The following CNTNAP2 variants were observed in gnomAD, a reference collection of about 807,000 sequenced individuals.
The protein encoded by CNTNAP2 is contactin associated protein 2.
A neutral mutation model predicts 155.2 loss-of-function variants in CNTNAP2; 98 were observed. The observed-to-expected ratio is 0.63, with a 90% CI of 0.54 to 0.75. CNTNAP2 has a LOEUF of 0.75. Among genes scored for constraint, CNTNAP2 ranks in the 30% least tolerant of loss-of-function variants. The pLI, the probability that CNTNAP2 is intolerant of heterozygous loss-of-function variation, is 0.00. For missense variants in CNTNAP2, 1,727 were observed against 1,688.1 expected, an observed-to-expected ratio of 1.02 and a Z score of -0.40; for synonymous variants, 651 against 631.2, an observed-to-expected ratio of 1.03 and a Z score of -0.47.
intron 12 of CNTNAP2, among the ~76,000 whole-genome samples, chr7:147,582,107 G>A (rs1477534455): frequency 6.6e-6 from 1 of 152,102 alleles, no homozygotes; most frequent in East Asian, 1.9e-4. Flanking sequence ...TTTCAAACAA[G>A]TGAATGTCTG....
intron 22 of CNTNAP2, among the ~76,000 whole-genome samples, chr7:148,395,286 T>C (rs1488956166): frequency 6.6e-6 from 1 of 152,064 alleles, no homozygotes; most frequent in African/African-American, 2.4e-5. Flanking sequence ...TGGCTCTCTC[T>C]CTTATTTTCC....
intron 1 of CNTNAP2, among the ~76,000 whole-genome samples, chr7:146,172,444 C>T (rs1357218403): frequency 1.3e-5 from 2 of 152,044 alleles, no homozygotes; most frequent in East Asian, 3.9e-4. Context: ...CACTGCGCAG[C>T]CACCTTAGTG....
chr7:146,638,885 G>A (rs1252217776), intron 1 of CNTNAP2, among the ~76,000 whole-genome samples: 2 of 152,096 alleles, frequency 1.3e-5, no homozygotes, highest in Non-Finnish European at 2.9e-5. Context: ...CTAGATGGCG[G>A]ATCCTACTAT....
intron 13 of CNTNAP2, among the ~76,000 whole-genome samples, chr7:147,872,590 T>C (rs1799346031): frequency 6.6e-6 from 1 of 152,192 alleles, no homozygotes; most frequent in Non-Finnish European, 1.5e-5. Context: ...GTTTTGGCCG[T>C]AACTTTCTAG....
At chr7:147,598,044 A>G (rs1175623553) in intron 12 of CNTNAP2, among the ~76,000 whole-genome samples, 1 of 152,184 alleles carries the variant, frequency 6.6e-6, no homozygotes, top group Admixed American at 6.5e-5. Flanking sequence ...AAGATCATTA[A>G]TGGTTTCAGC....
rs1803202879 is a variant in CNTNAP2 at position 148,063,703 on chromosome 7, T to C, written c.2384-54415T>C. 2.0e-5 allele frequency among the ~76,000 whole-genome samples: 3 copies of C among 152,006 alleles called. No individual in the cohort carries two copies. The South Asian group carries it at 6.2e-4, about 31-fold the overall frequency. ...TTGTCTGTTTACTCTGCTGATTACTTCTTTTGAGGTACAGAAGCTTTTTAG... is the reference window on the plus strand; with the variant it reads ...TTGTCTGTTTACTCTGCTGATTACTCCTTTTGAGGTACAGAAGCTTTTTAG... On this transcript the variant is annotated intron_variant, in intron 15 of 23. Transcript: ENST00000361727.
chr7:146,677,167 T>C (rs1474421484), intron 1 of CNTNAP2, among the ~76,000 whole-genome samples: 1 of 152,160 alleles, frequency 6.6e-6, no homozygotes, highest in African/African-American at 2.4e-5. Flanking sequence ...GGGACTTCCA[T>C]GTTATACGTG....
chr7:146,230,737 C>T lies in CNTNAP2; in HGVS notation c.97+113764C>T, dbSNP rs375608527. On this transcript the variant is annotated intron_variant, in intron 1 of 23. Transcript: ENST00000361727. ...ATTAATTAAAAGTTAATCTATTGGCCGGGCACGGTGGCTCATGCCTGTAAT... is the reference window on the plus strand; with the variant it reads ...ATTAATTAAAAGTTAATCTATTGGCTGGGCACGGTGGCTCATGCCTGTAAT... 2.0e-3 allele frequency among the ~76,000 whole-genome samples: 310 copies of T among 152,194 alleles called. 1 individual carries two copies. Among genetic ancestry groups the T allele is most frequent in the Middle Eastern group, 0.01 (3 of 294 alleles).
chr7:146,547,064 G>A (rs538427457), intron 1 of CNTNAP2, among the ~76,000 whole-genome samples: 2 of 151,922 alleles, frequency 1.3e-5, no homozygotes, highest in Non-Finnish European at 2.9e-5. Context: ...TTCAGCCACG[G>A]TGTAAGTTCG....
intron 1 of CNTNAP2, among the ~76,000 whole-genome samples, chr7:146,682,316 C>A (rs1470126868): frequency 6.6e-6 from 1 of 152,064 alleles, no homozygotes; most frequent in Non-Finnish European, 1.5e-5. Context: ...AGTGTGAGAA[C>A]ATAACGTTCA....
intron 4 of CNTNAP2, among the ~76,000 whole-genome samples, chr7:147,050,591 A>T (rs952107002): frequency 6.6e-6 from 1 of 152,206 alleles, no homozygotes; most frequent in Non-Finnish European, 1.5e-5. Context: ...GGTCATTTTC[A>T]TGCTGTGTTG....
intron 1 of CNTNAP2, among the ~76,000 whole-genome samples, chr7:146,508,449 C>A (rs980378352): frequency 6.6e-6 from 1 of 152,230 alleles, no homozygotes; most frequent in Admixed American, 6.5e-5. Context: ...AGGCTTCACT[C>A]CCACTGACTG....
intron 1 of CNTNAP2, among the ~76,000 whole-genome samples, chr7:146,772,715 G>C (rs1022338644): frequency 1.3e-5 from 2 of 151,936 alleles, no homozygotes; most frequent in African/African-American, 2.4e-5. Context: ...ATGGTGGCTA[G>C]ACAGGAATAG....
At position 147,729,935 on chromosome 7, in the gene CNTNAP2, T is replaced by C. The variant is rs114567161; in HGVS notation, c.2098+90629T>C. Among the ~76,000 whole-genome samples the C allele has an allele frequency of 7.3e-3, 1,106 of 152,198 alleles. 21 individuals are homozygous for C. The highest frequency in any genetic ancestry group is 0.026 in the African/African-American group (1,066 of 41,544). ...ATGGAATTCCTCTTTCAATTTTATT[T>C]TGAAGGATCTCCACTGGATTTAAGT... is the stretch of plus-strand genomic sequence containing the variant. On this transcript the variant is annotated intron_variant, in intron 13 of 23. Coordinates refer to ENST00000361727, the MANE Select transcript of CNTNAP2 (RefSeq NM_014141.6).
intron 10 of CNTNAP2, among the ~76,000 whole-genome samples, chr7:147,456,895 G>A (rs184196341): frequency 2.0e-4 from 30 of 152,244 alleles, no homozygotes; most frequent in African/African-American, 6.0e-4. Context: ...TAACCAGGAG[G>A]TCTGTATAAT....
rs934779727 is a variant in CNTNAP2 at position 148,263,963 on chromosome 7, C to A, written c.3382-3070C>A. On this transcript the variant is annotated intron_variant, in intron 20 of 23. Coordinates refer to ENST00000361727, the MANE Select transcript of CNTNAP2 (RefSeq NM_014141.6). ...AAACAATTCAGGAAAAGGAAGGTACCTCCACTGTGTGGGTCATGCCAAACC... is the reference window on the plus strand; with the variant it reads ...AAACAATTCAGGAAAAGGAAGGTACATCCACTGTGTGGGTCATGCCAAACC... Among the ~76,000 whole-genome samples the A allele has an allele frequency of 3.9e-5, 6 of 152,218 alleles. No homozygotes were observed. In the East Asian group the frequency reaches 1.2e-3, roughly 29 times the overall value.
Position 146,136,598 on chromosome 7 carries a change from C to T in CNTNAP2, c.97+19625C>T, listed in dbSNP as rs1306245842. On this transcript the variant is annotated intron_variant, in intron 1 of 23. Coordinates refer to ENST00000361727, the MANE Select transcript of CNTNAP2 (RefSeq NM_014141.6). ...GTAGAGAGTTCATGCTGTGCTCTCT[C>T]GAGGTTGGATTCTACAGAAGCTCAG... 3.9e-5 allele frequency among the ~76,000 whole-genome samples: 6 copies of T among 151,958 alleles called. No individual in the cohort carries two copies. The East Asian group carries it at 9.7e-4, about 25-fold the overall frequency.
chr7:146,532,850 C>T (rs931336575), intron 1 of CNTNAP2, among the ~76,000 whole-genome samples: 10 of 151,632 alleles, frequency 6.6e-5, no homozygotes, highest in African/African-American at 2.2e-4. Flanking sequence ...TTTGGGAGGC[C>T]GAGGCGGGCG....
At chr7:148,306,303 T>C (rs1563034491) in intron 21 of CNTNAP2, among the ~76,000 whole-genome samples, 1 of 152,200 alleles carries the variant, frequency 6.6e-6, no homozygotes, top group East Asian at 1.9e-4. Flanking sequence ...GGGTCTATTT[T>C]GACTCTTTCT....
Sources: gnomAD v4.1 joint callset for allele counts (sites outside exome capture counted in the v4.1 genomes callset) on GRCh38, gnomAD v4.1.1 for gene constraint, MANE v1.5 for transcripts, NCBI Gene and HGNC (gene_info 2026-07-23, HGNC 2026-07-21) for gene names.